Variants in EZH2 observed in about 807,000 individuals in gnomAD.
EZH2 encodes histone-lysine N-methyltransferase EZH2.
EZH2 carries 18 observed loss-of-function variants against 98.4 expected under a neutral mutation model. The ratio of observed to expected loss-of-function variants is 0.18; its 90% confidence interval spans 0.13 to 0.27. The LOEUF (loss-of-function observed/expected upper bound fraction) is 0.27. EZH2 is among the 10% of genes least tolerant of loss of function. The probability of loss-of-function intolerance (pLI) is 1.00; values close to 1 mark genes in which losing one functional copy is unlikely to be tolerated. For synonymous variants in EZH2, 338 were observed against 312.3 expected (o/e 1.08, Z -0.87); for missense variants, 470 against 935.1 (o/e 0.50, Z 6.49).
At chr7:148,834,569 G>T (rs1585063585) in intron 3 of EZH2, among the ~76,000 whole-genome samples, 2 of 152,200 alleles carry the variant, frequency 1.3e-5, no homozygotes, top group Middle Eastern at 3.4e-3. Context: ...CTTCCTTAGT[G>T]GAAGTAAAGG....
chr7:148,846,671 A>T (rs1196509108), intron 2 of EZH2, 73 bp from the exon 3 acceptor site: 32 of 1,394,876 alleles, frequency 2.3e-5, no homozygotes, highest in Non-Finnish European at 3.0e-5. Context: ...CCTGTAAAGC[A>T]GGTTAAAAAT....
intron 4 of EZH2, 70 bp downstream of exon 4, chr7:148,832,564 A>G: frequency 1.2e-6 from 1 of 849,358 alleles, no homozygotes; most frequent in Non-Finnish European, 1.9e-6. Flanking sequence ...CCTTGACAAT[A>G]AAATTATCTA....
At chr7:148,883,572 G>C (rs1213098694) in intron 1 of EZH2, 1 of 150,112 alleles carries the variant, frequency 6.7e-6, no homozygotes, top group African/African-American at 2.4e-5. Context: ...TGCGCGAGGC[G>C]AGGGCCGAGC....
In EZH2 at chr7:148,848,309, G is replaced by A. The variant is rs565758257; in HGVS notation, c.-7-1004C>T. On this transcript the variant is annotated intron_variant, in intron 1 of 19. Coordinates refer to ENST00000320356, the MANE Select transcript of EZH2 (RefSeq NM_004456.5). ...ATGCTGCAGCACAGCATCCCGACAA[G>A]GGGTGACAGAGGCTTCTACACCACA... Among the ~76,000 whole-genome samples, 29 of 152,300 alleles carry A rather than the reference G, an allele frequency of 1.9e-4. No individual in the cohort carries two copies. In the East Asian group the frequency reaches 5.4e-3, roughly 28 times the overall value.
At chr7:148,832,187 C>G (rs73471824) in intron 4 of EZH2, among the ~76,000 whole-genome samples, 1,629 of 152,322 alleles carry the variant, frequency 0.011, 26 homozygotes, top group African/African-American at 0.037. Flanking sequence ...CTCCCTCAAG[C>G]CATCCTTCCA....
chr7:148,863,495 T>C (rs973342953), intron 1 of EZH2, among the ~76,000 whole-genome samples: 6 of 152,184 alleles, frequency 3.9e-5, no homozygotes, highest in African/African-American at 1.2e-4. Flanking sequence ...CCTTCACCAC[T>C]GTAAGATATC....
In EZH2 at chr7:148,817,380, G is replaced by C; in HGVS notation, c.1252C>G (p.Arg418Gly). The C allele has an allele frequency of 6.2e-7, 1 of 1,612,360 alleles. No individual in the cohort carries two copies. The highest frequency in any genetic ancestry group is 8.5e-7 in the Non-Finnish European group (1 of 1,179,582). ...TTCATCTTTATTGGTGTTTGACACC[G>C]AGAATTTGCTTCTACAAAACCAAAT... is the stretch of plus-strand genomic sequence containing the variant. ...ETSSSSEANSRCQTPIKMKPN... is the reference protein window; with the variant it reads ...ETSSSSEANSGCQTPIKMKPN... Residue 418 changes from arginine to glycine, a missense_variant, in exon 11 of 20, where the codon CGG becomes GGG. Arg to Gly is a moderately radical substitution (Grantham distance 125, BLOSUM62 -2). Coordinates refer to ENST00000320356, the MANE Select transcript of EZH2 (RefSeq NM_004456.5).
intron 1 of EZH2, among the ~76,000 whole-genome samples, chr7:148,876,743 T>G (rs1820224306): frequency 6.6e-6 from 1 of 152,180 alleles, no homozygotes. Flanking sequence ...GCAAACTTTC[T>G]CTGTAAAGGG....
intron 1 of EZH2, among the ~76,000 whole-genome samples, chr7:148,881,773 A>C (rs1820993035): frequency 6.6e-6 from 1 of 151,920 alleles, no homozygotes; most frequent in Admixed American, 6.6e-5. Flanking sequence ...GTCTCTGCTA[A>C]AAATACAAAA....
chr7:148,846,593 C>T lies in EZH2; in HGVS notation c.123G>A (p.Met41Ile), dbSNP rs2129485059. 1 of 1,544,936 alleles carries T rather than the reference C, an allele frequency of 6.5e-7. No individual in the cohort carries two copies. Among genetic ancestry groups the T allele is most frequent in the Non-Finnish European group, 8.6e-7 (1 of 1,156,160 alleles). ...RFRRADEVKS[M>I]FSSNRQKILE... Reference sequence around the variant, plus strand: ...AAATTTTCTGACGATTGGAACTAAACATACTCTTAAAAAAAAAAATGAAGG... The same window carrying T: ...AAATTTTCTGACGATTGGAACTAAATATACTCTTAAAAAAAAAAATGAAGG... The change falls in exon 3 of 20, where the codon ATG becomes ATA. Residue 41 changes from methionine to isoleucine, a missense_variant. Physicochemically the swap from Met to Ile is conservative, Grantham distance 10. This residue lies in a region of EZH2 where 79 missense variants were observed against 122.1 expected (regional missense o/e 0.65). Coordinates refer to ENST00000320356, the MANE Select transcript of EZH2 (RefSeq NM_004456.5).
intron 8 of EZH2, among the ~76,000 whole-genome samples, chr7:148,819,889 G>A (rs542452642): frequency 6.6e-6 from 1 of 152,246 alleles, no homozygotes; most frequent in South Asian, 2.1e-4. Context: ...CATTAAGCAG[G>A]AAGGAAAAAC....
intron 19 of EZH2, 86 bp from the exon 20 acceptor site, chr7:148,807,792 A>G: frequency 1.6e-6 from 1 of 606,732 alleles, no homozygotes; most frequent in Non-Finnish European, 2.9e-6. Flanking sequence ...TGCTGAAGAT[A>G]GTGGGTGCAT....
intron 10 of EZH2, chr7:148,817,625 A>C (rs1804914854): frequency 1.5e-6 from 1 of 668,538 alleles, no homozygotes; most frequent in Non-Finnish European, 2.5e-6. Flanking sequence ...GATCGAAAAA[A>C]GAAAATGGCA....
At chr7:148,859,634 G>A (rs1332074870) in intron 1 of EZH2, among the ~76,000 whole-genome samples, 1 of 152,188 alleles carries the variant, frequency 6.6e-6, no homozygotes, top group Non-Finnish European at 1.5e-5. Context: ...AAAGGAATGT[G>A]AGCTGAAGTA....
intron 3 of EZH2, among the ~76,000 whole-genome samples, chr7:148,838,657 T>C (rs546249280): frequency 1.3e-5 from 2 of 152,274 alleles, no homozygotes; most frequent in African/African-American, 2.4e-5. Flanking sequence ...GAGAGTATTA[T>C]ATAAATCTAT....
intron 2 of EZH2, among the ~76,000 whole-genome samples, 157 bp from the exon 3 acceptor site, chr7:148,846,755 C>G (rs1039488851): frequency 1.3e-5 from 2 of 151,778 alleles, no homozygotes; most frequent in Non-Finnish European, 2.9e-5. Flanking sequence ...TTCCCACATT[C>G]AAATAATACA....
At chr7:148,839,189 A>C (rs1479097211) in intron 3 of EZH2, among the ~76,000 whole-genome samples, 3 of 152,192 alleles carry the variant, frequency 2.0e-5, no homozygotes, top group African/African-American at 7.2e-5. Context: ...ACTGCCCAGG[A>C]AACCACCAAC....
At chr7:148,830,694 GT>G (rs1294106667) in intron 4 of EZH2, among the ~76,000 whole-genome samples, 5 of 152,180 alleles carry the variant, frequency 3.3e-5, no homozygotes, top group African/African-American at 1.2e-4. Context: ...TGATAGATGA[GT>G]TTTTATCAAG....
intron 1 of EZH2, chr7:148,875,973 C>T (rs1820112619): frequency 6.6e-6 from 1 of 152,160 alleles, no homozygotes. Context: ...CTGGGCGACA[C>T]AGGAAAACCC....
Sources: allele counts gnomAD v4.1 joint callset (sites outside exome capture counted in the v4.1 genomes callset), GRCh38; gene constraint gnomAD v4.1.1; regional missense constraint gnomAD v4.1.1; transcripts MANE v1.5; gene names NCBI Gene and HGNC (gene_info 2026-07-23, HGNC 2026-07-21).